FAM227A: variants seen among roughly 807,000 people sequenced by gnomAD.
The protein encoded by FAM227A is family with sequence similarity 227 member A.
FAM227A carries 80 observed loss-of-function variants against 74.7 expected under a neutral mutation model. The ratio of observed to expected loss-of-function variants is 1.07; its 90% CI spans 0.89 to 1.29. The LOEUF is 1.29. Ranked by LOEUF, FAM227A falls within the 50% of genes most tolerant of loss-of-function variation. FAM227A has a pLI of 0.00. For missense variants in FAM227A, 654 were observed against 683.4 expected (o/e 0.96, Z 0.48); for synonymous variants, 237 against 241.8 (o/e 0.98, Z 0.19).
In FAM227A at chr22:38,582,060, A is replaced by T; in HGVS notation, c.*4065T>A. 3.1e-6 allele frequency: 1 copy of T among 320,452 alleles called. No homozygotes were observed. Among genetic ancestry groups the T allele is most frequent in the Non-Finnish European group, 5.7e-6 (1 of 175,166 alleles). 19.9% of individuals were successfully genotyped at this position (320,452 alleles called of 1,614,324 possible). ...GCCTGGCCTGTTCGTTTTTTAACAA[A>T]GCTTTATCGAAGTATAATTGACATA... is the stretch of plus-strand genomic sequence containing the variant. On this transcript the variant is annotated 3_prime_UTR_variant, in exon 17 of 17. Coordinates refer to ENST00000535113, the MANE Select transcript of FAM227A (RefSeq NM_001013647.2).
Position 38,652,651 on chromosome 22 carries a change from C to CA in FAM227A, c.-94-2390_-94-2389insT. ...CCTATAATCCCAGCACTTTGGGAAG[C>CA]CGAGGCAGGTGGATCACGAGGTCAG... On this transcript the variant is annotated intron_variant, in intron 1 of 16. Coordinates refer to ENST00000535113, the MANE Select transcript of FAM227A (RefSeq NM_001013647.2). Among the ~76,000 whole-genome samples, 9 of 150,360 alleles carry CA rather than the reference C, an allele frequency of 6.0e-5. No homozygotes were observed. The East Asian group carries it at 1.8e-3, about 29-fold the overall frequency.
intron 15 of FAM227A, among the ~76,000 whole-genome samples, chr22:38,592,445 T>G (rs2090959292): frequency 6.6e-6 from 1 of 152,220 alleles, no homozygotes; most frequent in Non-Finnish European, 1.5e-5. Context: ...TTAATGTTAA[T>G]TTTAAACTAG....
intron 16 of FAM227A, among the ~76,000 whole-genome samples, chr22:38,588,937 A>G (rs2090871770): frequency 1.3e-5 from 2 of 151,688 alleles, no homozygotes; most frequent in South Asian, 2.1e-4. Context: ...CAAAAAAAAA[A>G]AAAAAAGAAA....
At chr22:38,613,124 A>ATATATATATTATAT (rs2091462740) in intron 11 of FAM227A, among the ~76,000 whole-genome samples, 6 of 91,486 alleles carry the variant, frequency 6.6e-5, no homozygotes, top group African/African-American at 2.8e-4. Flanking sequence ...TATTATATAT[A>ATATATATATTATAT]ATTATATATA....
chr22:38,594,959 G>A (rs1003523712), intron 15 of FAM227A, among the ~76,000 whole-genome samples: 6 of 152,076 alleles, frequency 3.9e-5, no homozygotes, highest in Non-Finnish European at 7.3e-5. Context: ...TTAGCCAGGC[G>A]TGGTGGCATG....
chr22:38,634,819 C>T (rs912912105), intron 6 of FAM227A, among the ~76,000 whole-genome samples: 19 of 152,166 alleles, frequency 1.2e-4, no homozygotes, highest in Non-Finnish European at 2.1e-4. Context: ...GACTGCAGGC[C>T]ATGCCAGCAA....
At chr22:38,613,303 AATATATAACATATAAT>A (rs1569207534) in intron 11 of FAM227A, among the ~76,000 whole-genome samples, 1 of 54,820 alleles carries the variant, frequency 1.8e-5, no homozygotes, top group Admixed American at 3.1e-4. Flanking sequence ...TATCATATAT[AATATATAACATATAAT>A]ATATATCATA....
At chr22:38,598,957 CTTTTTTT>C (rs71197121) in intron 14 of FAM227A, among the ~76,000 whole-genome samples, 3 of 136,276 alleles carry the variant, frequency 2.2e-5, no homozygotes, top group Non-Finnish European at 1.6e-5. Flanking sequence ...TGTTTTCTTT[CTTTTTTT>C]TTTTTTTTTG....
chr22:38,612,305 T>C (rs577261326), intron 11 of FAM227A, among the ~76,000 whole-genome samples: 11 of 152,344 alleles, frequency 7.2e-5, no homozygotes, highest in African/African-American at 2.2e-4. Context: ...CTCTGCAGCA[T>C]CCAGCCCTGC....
At chr22:38,604,292 A>C (rs987379036) in intron 13 of FAM227A, among the ~76,000 whole-genome samples, 1 of 152,194 alleles carries the variant, frequency 6.6e-6, no homozygotes, top group African/African-American at 2.4e-5. Flanking sequence ...GCACCACTGC[A>C]CTCCAGCCTG....
Position 38,616,653 on chromosome 22 carries a change from C to T in FAM227A, c.1038+3559G>A, listed in dbSNP as rs1167016823. ...TGCACTCCAGCCTGGGCTACAGGAG[C>T]GAAACTCCATCTCAAAAAAAAAAAA... On this transcript the variant is annotated intron_variant, in intron 11 of 16. Transcript: ENST00000535113. Among the ~76,000 whole-genome samples, 5 of 145,776 alleles carry T rather than the reference C, an allele frequency of 3.4e-5. No homozygotes were observed. The East Asian group carries it at 9.9e-4, about 29-fold the overall frequency.
intron 16 of FAM227A, among the ~76,000 whole-genome samples, chr22:38,588,108 A>G (rs570310927): frequency 1.8e-4 from 28 of 152,326 alleles, no homozygotes; most frequent in African/African-American, 6.3e-4. Context: ...AGCACACTCA[A>G]TGGTTAAAGA....
intron 1 of FAM227A, among the ~76,000 whole-genome samples, 172 bp from the exon 2 acceptor site, chr22:38,650,434 G>A (rs978239286): frequency 3.3e-5 from 5 of 152,102 alleles, no homozygotes; most frequent in Non-Finnish European, 7.3e-5. Context: ...AAGGTATATG[G>A]ACTTGTTCTT....
At chr22:38,642,942 A>C (rs998420194) in intron 3 of FAM227A, among the ~76,000 whole-genome samples, 24 of 152,118 alleles carry the variant, frequency 1.6e-4, no homozygotes, top group African/African-American at 5.8e-4. Context: ...TCTCAAAAAA[A>C]CAAAAACAAA....
chr22:38,654,275 G>A (rs2092360003), intron 1 of FAM227A, among the ~76,000 whole-genome samples: 1 of 152,048 alleles, frequency 6.6e-6, no homozygotes, highest in Non-Finnish European at 1.5e-5. Flanking sequence ...TTGAACCCAG[G>A]AGGCGGAGCT....
At chr22:38,652,940 G>C (rs954698628) in intron 1 of FAM227A, among the ~76,000 whole-genome samples, 9 of 151,414 alleles carry the variant, frequency 5.9e-5, no homozygotes, top group Non-Finnish European at 1.2e-4. Flanking sequence ...ATAACCCTCA[G>C]TCATACAATC....
At chr22:38,592,003 C>T (rs1434302700) in intron 15 of FAM227A, among the ~76,000 whole-genome samples, 2 of 150,850 alleles carry the variant, frequency 1.3e-5, no homozygotes, top group African/African-American at 4.9e-5. Context: ...GGCTGGAGTG[C>T]AGTGACATGA....
At chr22:38,638,030 G>T (rs1009513918) in intron 5 of FAM227A, among the ~76,000 whole-genome samples, 1 of 152,152 alleles carries the variant, frequency 6.6e-6, no homozygotes, top group African/African-American at 2.4e-5. Flanking sequence ...GCCAGGTGTG[G>T]TGGTGCATGT....
intron 8 of FAM227A, among the ~76,000 whole-genome samples, chr22:38,626,849 CAGAG>C (rs1275096022): frequency 2.0e-5 from 2 of 99,040 alleles, no homozygotes; most frequent in African/African-American, 8.4e-5. Context: ...GCCTGGGCGA[CAGAG>C]AGACTCTGTC....
Sources: allele counts gnomAD v4.1 joint callset (sites outside exome capture counted in the v4.1 genomes callset), GRCh38; gene constraint gnomAD v4.1.1; transcripts MANE v1.5; gene names NCBI Gene and HGNC (gene_info 2026-07-23, HGNC 2026-07-21).